CRIM1: variants seen among roughly 807,000 people sequenced by gnomAD.
CRIM1 encodes the protein cysteine-rich motor neuron 1 protein.
In CRIM1, 32 loss-of-function variants were observed where a neutral mutation model predicts 116.4. The ratio of observed to expected loss-of-function variants is 0.27; its 90% CI spans 0.21 to 0.37. The LOEUF is 0.37. Ranked by LOEUF, CRIM1 falls within the 10% of genes least tolerant of loss-of-function variation. The pLI is 1.00. For missense variants in CRIM1, 1,331 were observed against 1,354.8 expected (o/e 0.98, Z 0.28); for synonymous variants, 590 against 509.2 (o/e 1.16, Z -2.13).
At chr2:36,380,951 G>A (rs899920293) in intron 1 of CRIM1, among the ~76,000 whole-genome samples, 1 of 152,232 alleles carries the variant, frequency 6.6e-6, no homozygotes, top group African/African-American at 2.4e-5. Context: ...ACCCAAAGGG[G>A]TCGAGGAGCT....
intron 2 of CRIM1, among the ~76,000 whole-genome samples, chr2:36,411,633 C>T (rs1201477280): frequency 1.3e-5 from 2 of 149,972 alleles, no homozygotes; most frequent in African/African-American, 4.9e-5. Context: ...GAAATAAGTG[C>T]AACCATGTGA....
At chr2:36,535,194 AAGG>A (rs1418839007) in intron 13 of CRIM1, among the ~76,000 whole-genome samples, 62 of 139,126 alleles carry the variant, frequency 4.5e-4, no homozygotes, top group Non-Finnish European at 8.4e-4. Context: ...GGAGGGTAAA[AAGG>A]AGGGAAGGAA....
At chr2:36,414,809 G>A (rs999156796) in intron 2 of CRIM1, among the ~76,000 whole-genome samples, 1 of 152,210 alleles carries the variant, frequency 6.6e-6, no homozygotes, top group African/African-American at 2.4e-5. Context: ...AGTGGCAGAA[G>A]AGGAAGCTGG....
intron 13 of CRIM1, among the ~76,000 whole-genome samples, chr2:36,525,800 AC>A (rs994324824): frequency 6.6e-6 from 1 of 151,826 alleles, no homozygotes; most frequent in African/African-American, 2.4e-5. Context: ...CAATTAAGGG[AC>A]CTCTTTTATT....
At chr2:36,493,202 A>G (rs1423407623) in intron 7 of CRIM1, among the ~76,000 whole-genome samples, 1 of 152,138 alleles carries the variant, frequency 6.6e-6, no homozygotes, top group Non-Finnish European at 1.5e-5. Flanking sequence ...TGAGGTCAGG[A>G]GTTCGAGACC....
Position 36,373,804 on chromosome 2 carries a change from T to C in CRIM1, c.331+17181T>C, listed in dbSNP as rs376796801. On this transcript the variant is annotated intron_variant, in intron 1 of 16. Coordinates refer to ENST00000280527, the MANE Select transcript of CRIM1 (RefSeq NM_016441.3). ...CATCCATGTGTACAACATACACCCA[T>C]GCAAAAATTGCTCACAGGGTCATGT... Among the ~76,000 whole-genome samples the C allele has an allele frequency of 2.0e-4, 30 of 152,308 alleles. No individual in the cohort carries two copies. In the East Asian group the frequency reaches 5.6e-3, roughly 28 times the overall value.
chr2:36,493,162 A>G (rs1314154846), intron 7 of CRIM1, among the ~76,000 whole-genome samples: 1 of 152,128 alleles, frequency 6.6e-6, no homozygotes, highest in African/African-American at 2.4e-5. Flanking sequence ...TAATCCCAGC[A>G]CTTTAGGAGG....
At chr2:36,525,674 T>A (rs373056010) in intron 13 of CRIM1, among the ~76,000 whole-genome samples, 25 of 152,328 alleles carry the variant, frequency 1.6e-4, no homozygotes, top group African/African-American at 6.0e-4. Flanking sequence ...TGTTAGAATG[T>A]ACAGACTATC....
In CRIM1 at chr2:36,550,548, A is replaced by G. The variant is rs1558433959; in HGVS notation, c.*1847A>G. 6.6e-6 allele frequency: 1 copy of G among 152,534 alleles called. No homozygotes were observed. The highest frequency in any genetic ancestry group is 2.1e-4 in the South Asian group (1 of 4,832). 9.4% of individuals were successfully genotyped at this position (152,534 alleles called of 1,614,324 possible). On this transcript the variant is annotated 3_prime_UTR_variant, in exon 17 of 17. Coordinates refer to ENST00000280527, the MANE Select transcript of CRIM1 (RefSeq NM_016441.3). ...CAGAGGTTGCTGAACTTTAAAAAAAATTAATTTATTATTATAATGACCTAA... is the reference window on the plus strand; with the variant it reads ...CAGAGGTTGCTGAACTTTAAAAAAAGTTAATTTATTATTATAATGACCTAA...
At position 36,479,631 on chromosome 2, in the gene CRIM1, G is replaced by A. The variant is rs771535773; in HGVS notation, c.1309G>A (p.Val437Ile). ...CGGTGAACGCCACTGCGTTGCGACCGTCTGCGGACAGACCTGCACAAACCC... is the reference window on the plus strand; with the variant it reads ...CGGTGAACGCCACTGCGTTGCGACCATCTGCGGACAGACCTGCACAAACCC... Reference protein sequence around the residue: ...VNGERHCVATVCGQTCTNPVK... With the variant: ...VNGERHCVATICGQTCTNPVK... Residue 437 changes from valine to isoleucine, a missense_variant, in exon 7 of 17, where the codon GTC becomes ATC. Coordinates refer to ENST00000280527, the MANE Select transcript of CRIM1 (RefSeq NM_016441.3). 9.9e-6 allele frequency: 16 copies of A among 1,614,114 alleles called. No homozygotes were observed. The highest frequency in any genetic ancestry group is 2.2e-5 in the South Asian group (2 of 91,092).
intron 6 of CRIM1, among the ~76,000 whole-genome samples, chr2:36,478,668 C>CT (rs1288322370): frequency 1.3e-5 from 2 of 152,150 alleles, no homozygotes; most frequent in African/African-American, 4.8e-5. Context: ...TGACCAAACT[C>CT]TATGAACTGT....
intron 13 of CRIM1, among the ~76,000 whole-genome samples, chr2:36,534,874 A>G (rs1218161159): frequency 6.6e-6 from 1 of 152,118 alleles, no homozygotes; most frequent in Non-Finnish European, 1.5e-5. Context: ...CTGTTACTCA[A>G]ATTTTATTCA....
chr2:36,527,322 C>A (rs1665820874), intron 13 of CRIM1, among the ~76,000 whole-genome samples: 1 of 151,920 alleles, frequency 6.6e-6, no homozygotes, highest in Non-Finnish European at 1.5e-5. Flanking sequence ...AAAATGAGTT[C>A]TATTATAGGT....
intron 4 of CRIM1, among the ~76,000 whole-genome samples, chr2:36,459,893 C>T (rs898191985): frequency 1.3e-5 from 2 of 152,152 alleles, no homozygotes; most frequent in African/African-American, 2.4e-5. Flanking sequence ...CCCAGGAGCT[C>T]GGACTCTGAC....
chr2:36,497,526 C>T (rs1259427674), intron 7 of CRIM1, among the ~76,000 whole-genome samples: 3 of 152,110 alleles, frequency 2.0e-5, no homozygotes. Flanking sequence ...AGCAGCAATA[C>T]GCTAACTCAG....
intron 10 of CRIM1, 66 bp from the exon 11 acceptor site, chr2:36,513,490 G>A: frequency 7.5e-7 from 1 of 1,332,350 alleles, no homozygotes; most frequent in Non-Finnish European, 1.1e-6. Context: ...TCCATGTACA[G>A]ACTCTGTAGC....
In CRIM1 at chr2:36,479,608, G is replaced by T. The variant is rs1679250744; in HGVS notation, c.1286G>T (p.Gly429Val). Residue 429 changes from glycine (G) to valine (V), a missense_variant, in exon 7 of 17, where the codon GGT becomes GTT. Gly to Val is a moderately radical substitution (Grantham distance 109). Around this residue, in one of 3 missense-constraint regions of CRIM1, gnomAD observed 690 missense variants for 676.0 expected, o/e 1.02. Coordinates refer to ENST00000280527, the MANE Select transcript of CRIM1 (RefSeq NM_016441.3). ...DDCTFCQCVN[G>V]ERHCVATVCG... ...TGCACATTCTGCCAGTGCGTCAACG[G>T]TGAACGCCACTGCGTTGCGACCGTC... 1 of 1,614,220 alleles carries T rather than the reference G, an allele frequency of 6.2e-7. No homozygotes were observed. Among genetic ancestry groups the T allele is most frequent in the Non-Finnish European group, 8.5e-7 (1 of 1,180,040 alleles).
intron 11 of CRIM1, 71 bp from the exon 12 acceptor site, chr2:36,517,256 C>G: frequency 8.0e-7 from 1 of 1,257,102 alleles, no homozygotes; most frequent in Non-Finnish European, 1.2e-6. Context: ...TTAAAGCAAA[C>G]AGCACCAGGC....
At chr2:36,495,863 A>T (rs1318700865) in intron 7 of CRIM1, among the ~76,000 whole-genome samples, 1 of 152,126 alleles carries the variant, frequency 6.6e-6, no homozygotes, top group African/African-American at 2.4e-5. Context: ...TTTTTTCTAG[A>T]TAATTCATAA....
Sources: allele counts gnomAD v4.1 joint callset (sites outside exome capture counted in the v4.1 genomes callset), GRCh38; gene constraint gnomAD v4.1.1; regional missense constraint gnomAD v4.1.1; transcripts MANE v1.5; gene names NCBI Gene and HGNC (gene_info 2026-07-23, HGNC 2026-07-21).